The following SBF2 variants were observed in gnomAD, a reference collection of about 807,000 sequenced individuals.
The protein encoded by SBF2 is SET binding factor 2.
A neutral mutation model predicts 225.2 loss-of-function variants in SBF2; 112 were observed. The observed-to-expected ratio is 0.50, with a 90% CI of 0.43 to 0.58. SBF2 has a LOEUF of 0.58. Ranked by LOEUF, SBF2 falls within the 20% of genes least tolerant of loss-of-function variation. The pLI is 0.00. For missense variants in SBF2, 1,996 were observed against 2,206.2 expected (o/e 0.90, Z 1.91); for synonymous variants, 763 against 773.3 (o/e 0.99, Z 0.22).
intron 2 of SBF2, among the ~76,000 whole-genome samples, chr11:10,099,932 G>A (rs990850588): frequency 6.6e-6 from 1 of 151,866 alleles, no homozygotes. Context: ...GAGGAAGAAA[G>A]AATCAAAGGA....
intron 25 of SBF2, 78 bp from the exon 26 acceptor site, chr11:9,839,774 G>T: frequency 7.2e-7 from 1 of 1,390,106 alleles, no homozygotes; most frequent in South Asian, 1.2e-5. Flanking sequence ...CCTGTGGGGA[G>T]CTCACTCTCA....
At chr11:9,839,418 T>C (rs1408668454) in intron 26 of SBF2, 80 bp downstream of exon 26, 8 of 1,345,866 alleles carry the variant, frequency 5.9e-6, no homozygotes, top group South Asian at 1.2e-5. Flanking sequence ...CTCAGGGCTA[T>C]GGATGCAAAT....
intron 2 of SBF2, among the ~76,000 whole-genome samples, chr11:10,063,059 C>T (rs1447391815): frequency 6.6e-6 from 1 of 152,058 alleles, no homozygotes; most frequent in Admixed American, 6.5e-5. Context: ...GAGCTACAGG[C>T]TATCATCCTT....
intron 16 of SBF2, among the ~76,000 whole-genome samples, chr11:9,926,024 T>C (rs1000898450): frequency 6.6e-6 from 1 of 152,234 alleles, no homozygotes; most frequent in African/African-American, 2.4e-5. Flanking sequence ...TCAAAGGGTA[T>C]CAAAGTCAGA....
chr11:9,989,051 T>TGC (rs1947308559), intron 13 of SBF2, among the ~76,000 whole-genome samples: 1 of 151,182 alleles, frequency 6.6e-6, no homozygotes, highest in Non-Finnish European at 1.5e-5. Flanking sequence ...TATATATATA[T>TGC]ATATACATAT....
At chr11:10,293,661 C>G (rs539626926) in intron 1 of SBF2, among the ~76,000 whole-genome samples, 1 of 152,332 alleles carries the variant, frequency 6.6e-6, no homozygotes, top group Non-Finnish European at 1.5e-5. Context: ...AGTTGGCTCC[C>G]GCCCTCCCAG....
rs1858398941 is a variant in SBF2, at chr11:9,868,259, C to T, written c.1930-9863G>A. 5.0e-5 allele frequency among the ~76,000 whole-genome samples: 7 copies of T among 141,278 alleles called. 1 individual carries two copies. In the South Asian group the frequency reaches 1.6e-3, roughly 32 times the overall value. The allele number at this position is 141,278 out of a possible 152,430, so 92.7% of individuals were successfully genotyped here. A position where few individuals can be genotyped will look rare whatever the true frequency, so the allele number is the denominator to read the frequency against. ...CCTGTAATCCCAGCACTTTGGGAGG[C>T]TGAGGTGGGTGGATCATGAGGTCAG... On this transcript the variant is annotated intron_variant, in intron 17 of 39. Transcript: ENST00000256190.
At chr11:9,958,794 G>A in intron 16 of SBF2, 2 of 524,434 alleles carry the variant, frequency 3.8e-6, no homozygotes, top group Non-Finnish European at 7.4e-6. Flanking sequence ...GGGCAGATGA[G>A]GGCTTCTGTC....
intron 16 of SBF2, among the ~76,000 whole-genome samples, chr11:9,916,786 C>T (rs866597869): frequency 3.3e-5 from 5 of 151,914 alleles, no homozygotes; most frequent in African/African-American, 4.8e-5. Context: ...GGTCTCACTA[C>T]GTTGTTTAGG....
At chr11:10,165,351 C>T (rs1273093369) in intron 2 of SBF2, among the ~76,000 whole-genome samples, 1 of 152,182 alleles carries the variant, frequency 6.6e-6, no homozygotes, top group Admixed American at 6.5e-5. Flanking sequence ...ATCAACTTTA[C>T]ATTATCCAAT....
rs1031370938 is a variant in SBF2 at position 9,779,334 on chromosome 11, C to T, written c.*1084G>A. The stretch of plus-strand genomic sequence containing the variant: ...AATGCAATGATCTAGCTACCTATGA[C>T]GCCAGCTGGTGTCAGTGGTTGTAGC... On this transcript the variant is annotated 3_prime_UTR_variant, in exon 40 of 40. Transcript: ENST00000256190. The T allele has an allele frequency of 1.0e-4, 16 of 152,576 alleles. No individual in the cohort carries two copies. Among genetic ancestry groups the T allele is most frequent in the Admixed American group, 7.9e-4 (12 of 15,278 alleles). 9.5% of individuals were successfully genotyped at this position (152,576 alleles called of 1,614,324 possible). A position where few individuals can be genotyped will look rare whatever the true frequency, so the allele number is the denominator to read the frequency against.
At chr11:10,188,994 G>A (rs79160490) in intron 2 of SBF2, among the ~76,000 whole-genome samples, 10,206 of 152,198 alleles carry the variant, frequency 0.067, 525 homozygotes, top group East Asian at 0.28. Flanking sequence ...TCCACACACG[G>A]TTTATACCAA....
intron 2 of SBF2, among the ~76,000 whole-genome samples, chr11:10,131,909 A>G (rs906773025): frequency 6.6e-6 from 1 of 152,158 alleles, no homozygotes; most frequent in African/African-American, 2.4e-5. Context: ...TTCTTGTGTC[A>G]TGTCTAAGAA....
chr11:10,254,257 G>T (rs1019631571), intron 1 of SBF2, among the ~76,000 whole-genome samples: 1 of 152,008 alleles, frequency 6.6e-6, no homozygotes, highest in African/African-American at 2.4e-5. Context: ...AGCTGGGCAT[G>T]GTGCTGTGTG....
At chr11:9,785,501 A>G (rs1050314739) in intron 36 of SBF2, among the ~76,000 whole-genome samples, 183 bp from the exon 37 acceptor site, 1 of 152,222 alleles carries the variant, frequency 6.6e-6, no homozygotes, top group Admixed American at 6.5e-5. Flanking sequence ...CTACACGTCC[A>G]TTATTAGGGA....
At chr11:9,965,724 C>A (rs955588879) in intron 14 of SBF2, among the ~76,000 whole-genome samples, 8 of 152,222 alleles carry the variant, frequency 5.3e-5, no homozygotes, top group African/African-American at 1.7e-4. Context: ...ATCAGGAAAA[C>A]AACTGGCATA....
At position 9,853,712 on chromosome 11, in the gene SBF2, A is replaced by G. The variant is rs754044949; in HGVS notation, c.2364T>C (p.Ser788=). 6.2e-7 allele frequency: 1 copy of G among 1,613,768 alleles called. No homozygotes were observed. Among genetic ancestry groups the G allele is most frequent in the Non-Finnish European group, 8.5e-7 (1 of 1,179,730 alleles). ...AGCTCTCAGCTACACTTCCTGCAATACTAAGACAGTCAAGGAAAGAAATCA... is the reference window on the plus strand; with the variant it reads ...AGCTCTCAGCTACACTTCCTGCAATGCTAAGACAGTCAAGGAAAGAAATCA... ...ESGSNSIVTN[S]IAGSVAESYD... is the part of the protein sequence containing the mutation. Residue 788 remains serine (S), a splice_region_variant and synonymous_variant, in exon 20 of 40, where the codon AGT becomes AGC. Coordinates refer to ENST00000256190, the MANE Select transcript of SBF2 (RefSeq NM_030962.4).
chr11:9,992,462 C>T lies in SBF2; in HGVS notation c.1249G>A (p.Val417Ile). 1 of 1,613,276 alleles carries T rather than the reference C, an allele frequency of 6.2e-7. No homozygotes were observed. The highest frequency in any genetic ancestry group is 8.5e-7 in the Non-Finnish European group (1 of 1,179,488). ...VLSGMAFAGF[V>I]SERGPPYRSC... is the part of the protein sequence containing the mutation. ...CTATAAGGAGGACCTCTTTCTGAAA[C>T]AAAACCTGCAAATGCCATTCCACTG... The change falls in exon 12 of 40, where the codon GTT becomes ATT. Residue 417 changes from valine (V) to isoleucine (I), a missense_variant. Val to Ile is a conservative substitution (Grantham distance 29). Coordinates refer to ENST00000256190, the MANE Select transcript of SBF2 (RefSeq NM_030962.4).
intron 1 of SBF2, among the ~76,000 whole-genome samples, chr11:10,275,285 A>G (rs1214276205): frequency 6.6e-6 from 1 of 152,182 alleles, no homozygotes; most frequent in African/African-American, 2.4e-5. Context: ...ACTTTTCCCA[A>G]GGTGTTACCC....
Sources: gnomAD v4.1 joint callset for allele counts (sites outside exome capture counted in the v4.1 genomes callset) on GRCh38, gnomAD v4.1.1 for gene constraint, MANE v1.5 for transcripts, NCBI Gene and HGNC (gene_info 2026-07-23, HGNC 2026-07-21) for gene names.